The following XRCC6 variants were observed in gnomAD, a reference collection of about 807,000 sequenced individuals.
XRCC6 encodes DNA repair protein Ku70.
In XRCC6, 5 loss-of-function variants were observed where a neutral mutation model predicts 65.7. The ratio of observed to expected loss-of-function variants is 0.08; its 90% CI spans 0.04 to 0.16. The LOEUF (loss-of-function observed/expected upper bound fraction) is 0.16, where lower values mean the gene tolerates loss of function less well. Ranked by LOEUF, XRCC6 falls within the 10% of genes least tolerant of loss-of-function variation. The probability of loss-of-function intolerance (pLI) is 1.00; values close to 1 mark genes in which losing one functional copy is unlikely to be tolerated. For synonymous variants in XRCC6, 270 were observed against 270.6 expected, an observed-to-expected ratio of 1.00 and a Z score of 0.02; for missense variants, 447 against 738.1, an observed-to-expected ratio of 0.61 and a Z score of 4.57.
At chr22:41,639,480 T>G (rs572192161) in intron 6 of XRCC6, among the ~76,000 whole-genome samples, 3 of 151,342 alleles carry the variant, frequency 2.0e-5, no homozygotes, top group Non-Finnish European at 1.5e-5. Context: ...ACCACAGGCG[T>G]GTGCCACCAT....
intron 6 of XRCC6, among the ~76,000 whole-genome samples, chr22:41,643,266 A>G (rs1427068024): frequency 6.6e-6 from 1 of 151,940 alleles, no homozygotes; most frequent in African/African-American, 2.4e-5. Flanking sequence ...AAAATTAGCC[A>G]GGCTTGGTGG....
At chr22:41,663,042 T>C (rs1404143446) in intron 12 of XRCC6, among the ~76,000 whole-genome samples, 1 of 152,100 alleles carries the variant, frequency 6.6e-6, no homozygotes, top group Admixed American at 6.5e-5. Flanking sequence ...GACCACACCA[T>C]TGCACTCCAG....
At chr22:41,631,744 G>A (rs1167074669) in intron 3 of XRCC6, among the ~76,000 whole-genome samples, 1 of 152,018 alleles carries the variant, frequency 6.6e-6, no homozygotes, top group African/African-American at 2.4e-5. Flanking sequence ...GGCAGAGGCT[G>A]CACTCTGGGC....
chr22:41,638,244 CAT>C (rs28384731), intron 6 of XRCC6, among the ~76,000 whole-genome samples: 5,417 of 152,172 alleles, frequency 0.036, 314 homozygotes, highest in African/African-American at 0.12. Flanking sequence ...CTAGTACAGT[CAT>C]GTGTTAATTA....
At chr22:41,630,996 T>C (rs1385779635) in intron 3 of XRCC6, among the ~76,000 whole-genome samples, 1 of 151,512 alleles carries the variant, frequency 6.6e-6, no homozygotes, top group African/African-American at 2.4e-5. Flanking sequence ...CCAGACGGGG[T>C]GGTGGCTGGG....
At chr22:41,641,877 C>T (rs1286665504) in intron 6 of XRCC6, among the ~76,000 whole-genome samples, 2 of 152,146 alleles carry the variant, frequency 1.3e-5, no homozygotes, top group African/African-American at 4.8e-5. Context: ...ACTGCAACCT[C>T]TGCCTTCTGG....
rs1472962422 is a variant in XRCC6, at chr22:41,636,787, G to A, written c.589+17G>A. ...GAGATACAGGTGGGCATATTTCCCC[G>A]TTCTCTTAAATTGGCACTTAATTAT... On this transcript the variant is annotated intron_variant, in intron 5 of 12. Transcript: ENST00000360079. 24 of 1,605,226 alleles carry A rather than the reference G, an allele frequency of 1.5e-5. No homozygotes were observed. The highest frequency in any genetic ancestry group is 1.9e-5 in the Non-Finnish European group (22 of 1,177,268).
Position 41,621,325 on chromosome 22 carries a change from G to C in XRCC6, c.-36G>C, listed in dbSNP as rs910857586. ...TGGATTGTCGTCTTCTGTCCAAGTTGGTCGCTTCCCTGCGCCAAAGGTAAG... is the reference window on the plus strand; with the variant it reads ...TGGATTGTCGTCTTCTGTCCAAGTTCGTCGCTTCCCTGCGCCAAAGGTAAG... On this transcript the variant is annotated 5_prime_UTR_variant, in exon 1 of 13. Coordinates refer to ENST00000360079, the MANE Select transcript of XRCC6 (RefSeq NM_001469.5). The C allele has an allele frequency of 5.5e-6, 1 of 181,618 alleles. No homozygotes were observed. The highest frequency in any genetic ancestry group is 1.2e-4 in the South Asian group (1 of 8,482). The allele number at this position is 181,618 out of a possible 1,614,324, so 11.3% of individuals were successfully genotyped here. A position where few individuals can be genotyped will look rare whatever the true frequency, so the allele number is the denominator to read the frequency against.
rs937641717 is a variant in XRCC6, at chr22:41,653,610, G to T, written c.1211G>T (p.Arg404Met). ...GCATTGTGCAGATACACACCCCGCA[G>T]GAACATCCCTCCTTATTTTGTGGCT... ...VAALCRYTPR[R>M]NIPPYFVALV... The change falls in exon 9 of 13, where the codon AGG (arginine) becomes ATG (methionine). Residue 404 changes from arginine (R) to methionine (M), a missense_variant. Coordinates refer to ENST00000360079, the MANE Select transcript of XRCC6 (RefSeq NM_001469.5). The T allele has an allele frequency of 5.0e-6, 8 of 1,613,970 alleles. No homozygotes were observed. In the Admixed American group the frequency reaches 6.7e-5, roughly 13 times the overall value.
rs28384724 is a variant in XRCC6, at chr22:41,635,285, C to T, written c.196-828C>T. 3.1e-4 allele frequency among the ~76,000 whole-genome samples: 47 copies of T among 152,258 alleles called. No individual in the cohort carries two copies. The East Asian group carries it at 3.5e-3, about 11-fold the overall frequency. On this transcript the variant is annotated intron_variant, in intron 3 of 12. Transcript: ENST00000360079. ...CAAATTCAGGTTTTGCTTTTTGAAA[C>T]GGGAATTTCTTTGTTTTTCCTGAAT...
At chr22:41,660,564 C>T (rs1464614346) in intron 11 of XRCC6, among the ~76,000 whole-genome samples, 1 of 152,106 alleles carries the variant, frequency 6.6e-6, no homozygotes, top group Non-Finnish European at 1.5e-5. Context: ...GCAGGCATCC[C>T]AGCTTCCATG....
intron 7 of XRCC6, among the ~76,000 whole-genome samples, chr22:41,647,812 G>A (rs1323609189): frequency 6.6e-6 from 1 of 151,984 alleles, no homozygotes; most frequent in Non-Finnish European, 1.5e-5. Context: ...GGCTCAAGCA[G>A]TACTCCTGCT....
At position 41,621,322 on chromosome 22, in the gene XRCC6, G is replaced by T; in HGVS notation, c.-39G>T. On this transcript the variant is annotated 5_prime_UTR_variant, in exon 1 of 13. Transcript: ENST00000360079. ...GCGTGGATTGTCGTCTTCTGTCCAA[G>T]TTGGTCGCTTCCCTGCGCCAAAGGT... The T allele has an allele frequency of 5.4e-6, 1 of 184,118 alleles. No individual in the cohort carries two copies. The allele number at this position is 184,118 out of a possible 1,614,324, so 11.4% of individuals were successfully genotyped here.
chr22:41,655,301 A>ATCT (rs2068034853), intron 9 of XRCC6, among the ~76,000 whole-genome samples: 1 of 151,948 alleles, frequency 6.6e-6, no homozygotes, highest in South Asian at 2.1e-4. Flanking sequence ...GAACCACAAA[A>ATCT]TTGTTAAGGG....
chr22:41,636,804 CTTAA>C (rs1447712964), intron 5 of XRCC6, 34 bp downstream of exon 5: 1 of 1,595,326 alleles, frequency 6.3e-7, no homozygotes, highest in Non-Finnish European at 8.5e-7. Context: ...TAAATTGGCA[CTTAA>C]TTATTGTTTT....
At chr22:41,646,503 G>A (rs1385710813) in intron 6 of XRCC6, among the ~76,000 whole-genome samples, 3 of 152,080 alleles carry the variant, frequency 2.0e-5, no homozygotes, top group Non-Finnish European at 4.4e-5. Flanking sequence ...TTTGAGCACC[G>A]ACCTAATGTT....
intron 3 of XRCC6, among the ~76,000 whole-genome samples, chr22:41,630,727 A>G (rs141392203): frequency 0.019 from 2,898 of 152,186 alleles, 94 homozygotes; most frequent in African/African-American, 0.066. Flanking sequence ...CCTTCAATCC[A>G]TTTAACCCTG....
chr22:41,653,424 TAA>T, intron 8 of XRCC6, 103 bp from the exon 9 acceptor site: 2 of 1,086,842 alleles, frequency 1.8e-6, no homozygotes. Flanking sequence ...ATAATAAAAT[TAA>T]AATAAGCCCT....
At chr22:41,649,139 A>AATATATATATATATATATATAT (rs1555906700) in intron 7 of XRCC6, among the ~76,000 whole-genome samples, 20 of 88,706 alleles carry the variant, frequency 2.3e-4, no homozygotes, top group Admixed American at 1.2e-3. Flanking sequence ...AAAAAAAAAA[A>AATATATATATATATATATATAT]ATATATATAT....
Sources: gnomAD v4.1 joint callset for allele counts (sites outside exome capture counted in the v4.1 genomes callset) on GRCh38, gnomAD v4.1.1 for gene constraint, MANE v1.5 for transcripts, NCBI Gene and HGNC (gene_info 2026-07-23, HGNC 2026-07-21) for gene names.